BTBD9: variants seen among roughly 807,000 people sequenced by gnomAD.
BTBD9 encodes BTB domain containing 9, also known as BTB/POZ domain-containing protein 9.
BTBD9 carries 49 observed loss-of-function variants against 64.3 expected under a neutral mutation model. The ratio of observed to expected loss-of-function variants is 0.76; its 90% CI spans 0.61 to 0.97. BTBD9 has a LOEUF of 0.97. Ranked by LOEUF, BTBD9 falls within the 50% of genes least tolerant of loss-of-function variation. The pLI is 0.00. For synonymous variants in BTBD9, 260 were observed against 274.7 expected (o/e 0.95, Z 0.53); for missense variants, 598 against 762.1 (o/e 0.78, Z 2.53).
chr6:38,406,820 C>G (rs1280199278), intron 6 of BTBD9, among the ~76,000 whole-genome samples: 2 of 152,210 alleles, frequency 1.3e-5, no homozygotes, highest in East Asian at 3.8e-4. Flanking sequence ...GCACTGCCGC[C>G]TCAAACTCCT....
intron 6 of BTBD9, among the ~76,000 whole-genome samples, chr6:38,485,963 C>T (rs1258322477): frequency 6.6e-6 from 1 of 152,176 alleles, no homozygotes; most frequent in Non-Finnish European, 1.5e-5. Flanking sequence ...ATGATCTTAG[C>T]TAGGTCTTCT....
Position 38,266,776 on chromosome 6 carries a change from A to G in BTBD9, c.1455-10260T>C, listed in dbSNP as rs545344086. Among the ~76,000 whole-genome samples, 84 of 152,360 alleles carry G rather than the reference A, an allele frequency of 5.5e-4. 1 individual carries two copies. Among genetic ancestry groups the G allele is most frequent in the Admixed American group, 4.8e-3 (74 of 15,306 alleles). Reference sequence around the variant, plus strand: ...CCCTTGAGAAGAAAAGCATTCTTATATTTTGGAAAGTGACTCTAATACAGC... The same window carrying G: ...CCCTTGAGAAGAAAAGCATTCTTATGTTTTGGAAAGTGACTCTAATACAGC... On this transcript the variant is annotated intron_variant, in intron 8 of 10. Coordinates refer to ENST00000481247, the MANE Select transcript of BTBD9 (RefSeq NM_001099272.2).
At chr6:38,508,729 G>A (rs1411847735) in intron 6 of BTBD9, among the ~76,000 whole-genome samples, 3 of 152,088 alleles carry the variant, frequency 2.0e-5, no homozygotes, top group Admixed American at 2.0e-4. Context: ...ACTGCTGCTT[G>A]CCTCCGCTTC....
At chr6:38,577,776 G>A in intron 5 of BTBD9, 57 bp from the exon 6 acceptor site, 1 of 1,485,398 alleles carries the variant, frequency 6.7e-7, no homozygotes, top group Non-Finnish European at 9.2e-7. Context: ...ACAATACAAA[G>A]CTGTACTTTA....
intron 7 of BTBD9, among the ~76,000 whole-genome samples, chr6:38,306,769 A>T (rs576359881): frequency 6.6e-6 from 1 of 152,316 alleles, no homozygotes; most frequent in Admixed American, 6.5e-5. Context: ...GTCTCCAGAG[A>T]TCACTTTTGA....
chr6:38,260,300 T>A (rs1582128333), intron 8 of BTBD9, among the ~76,000 whole-genome samples: 1 of 152,252 alleles, frequency 6.6e-6, no homozygotes, highest in East Asian at 1.9e-4. Flanking sequence ...AACAGTTCTG[T>A]TACCATAACT....
At chr6:38,420,266 A>G (rs1051837741) in intron 6 of BTBD9, among the ~76,000 whole-genome samples, 8 of 152,322 alleles carry the variant, frequency 5.3e-5, no homozygotes, top group African/African-American at 1.7e-4. Context: ...TAATGACTTT[A>G]TAAGAGTTAT....
chr6:38,323,889 G>A (rs1763325313), intron 7 of BTBD9, among the ~76,000 whole-genome samples: 1 of 152,126 alleles, frequency 6.6e-6, no homozygotes, highest in African/African-American at 2.4e-5. Flanking sequence ...CTGGAGCCCA[G>A]GAGTTCAAGA....
At chr6:38,296,811 G>C (rs917719252) in intron 7 of BTBD9, among the ~76,000 whole-genome samples, 1 of 152,020 alleles carries the variant, frequency 6.6e-6, no homozygotes, top group African/African-American at 2.4e-5. Flanking sequence ...CGTTTTTCAA[G>C]TTGTCTTTCT....
chr6:38,186,057 A>T (rs1405382437), intron 10 of BTBD9, among the ~76,000 whole-genome samples: 1 of 152,194 alleles, frequency 6.6e-6, no homozygotes, highest in Non-Finnish European at 1.5e-5. Context: ...AGTGGAAGTG[A>T]ATGCTCAGCC....
chr6:38,509,866 C>T (rs34871682), intron 6 of BTBD9, among the ~76,000 whole-genome samples: 42,942 of 152,092 alleles, frequency 0.28, 7,313 homozygotes, highest in East Asian at 0.53. Flanking sequence ...GATCAAAGAG[C>T]TGGCTACCCC....
At chr6:38,238,473 T>TC (rs1327565081) in intron 9 of BTBD9, among the ~76,000 whole-genome samples, 1 of 144,892 alleles carries the variant, frequency 6.9e-6, no homozygotes, top group Non-Finnish European at 1.5e-5. Context: ...GACCAAGGTT[T>TC]TTTGTTTTTT....
intron 1 of BTBD9, among the ~76,000 whole-genome samples, chr6:38,622,528 C>T (rs533645255): frequency 6.6e-6 from 1 of 152,308 alleles, no homozygotes; most frequent in South Asian, 2.1e-4. Flanking sequence ...CCACAATCCT[C>T]AGGCCCCATC....
intron 9 of BTBD9, among the ~76,000 whole-genome samples, chr6:38,235,684 T>A (rs555337728): frequency 6.6e-6 from 1 of 152,308 alleles, no homozygotes; most frequent in Admixed American, 6.5e-5. Context: ...GGTAAAGGAA[T>A]GACACAATAA....
At chr6:38,449,774 C>T (rs1769436406) in intron 6 of BTBD9, among the ~76,000 whole-genome samples, 1 of 151,760 alleles carries the variant, frequency 6.6e-6, no homozygotes, top group South Asian at 2.1e-4. Flanking sequence ...AGATAAAAAT[C>T]AACTCAAAAT....
At chr6:38,227,113 C>A (rs1763422755) in intron 9 of BTBD9, among the ~76,000 whole-genome samples, 1 of 152,212 alleles carries the variant, frequency 6.6e-6, no homozygotes, top group Admixed American at 6.5e-5. Flanking sequence ...CTCAAGTCCC[C>A]TTAGTGCGAA....
chr6:38,232,776 G>A (rs961904998), intron 9 of BTBD9, among the ~76,000 whole-genome samples: 5 of 151,670 alleles, frequency 3.3e-5, no homozygotes, highest in Non-Finnish European at 7.4e-5. Flanking sequence ...TAAGATTACA[G>A]GCGTGCATCA....
At chr6:38,429,173 G>A (rs1768322539) in intron 6 of BTBD9, among the ~76,000 whole-genome samples, 1 of 151,412 alleles carries the variant, frequency 6.6e-6, no homozygotes, top group African/African-American at 2.4e-5. Context: ...CCAACAACTG[G>A]GCTGGGCATG....
intron 1 of BTBD9, among the ~76,000 whole-genome samples, chr6:38,604,009 C>G (rs773433018): frequency 1.3e-5 from 2 of 152,186 alleles, no homozygotes; most frequent in African/African-American, 4.8e-5. Context: ...AAGGATACTT[C>G]ACTTCTCTTG....
Sources: allele counts gnomAD v4.1 joint callset (sites outside exome capture counted in the v4.1 genomes callset), GRCh38; gene constraint gnomAD v4.1.1; transcripts MANE v1.5; gene names NCBI Gene and HGNC (gene_info 2026-07-23, HGNC 2026-07-21).